Variants in TMPRSS11A observed in about 807,000 individuals in gnomAD.
The protein encoded by TMPRSS11A is transmembrane protease serine 11A.
In TMPRSS11A, 53 loss-of-function variants were observed where a neutral mutation model predicts 58.9. That is an observed-to-expected ratio of 0.90 (90% confidence interval 0.72 to 1.13). The LOEUF is 1.13. TMPRSS11A is among the 50% of genes most tolerant of loss of function. The pLI is 0.00. For missense variants in TMPRSS11A, 493 were observed against 499.3 expected, an observed-to-expected ratio of 0.99 and a Z score of 0.12; for synonymous variants, 167 against 169.8, an observed-to-expected ratio of 0.98 and a Z score of 0.13.
chr4:67,937,834 T>C (rs1720789785), intron 3 of TMPRSS11A, among the ~76,000 whole-genome samples: 1 of 152,156 alleles, frequency 6.6e-6, no homozygotes, highest in African/African-American at 2.4e-5. Flanking sequence ...TGATTCCACA[T>C]CTTTGCTATT....
intron 5 of TMPRSS11A, among the ~76,000 whole-genome samples, chr4:67,929,653 G>A (rs1346134132): frequency 1.3e-5 from 2 of 152,168 alleles, no homozygotes; most frequent in South Asian, 2.1e-4. Flanking sequence ...CCTATATTTT[G>A]GGATGAGTGC....
At chr4:67,960,146 C>A (rs1721389968) in intron 1 of TMPRSS11A, among the ~76,000 whole-genome samples, 1 of 152,094 alleles carries the variant, frequency 6.6e-6, no homozygotes, top group South Asian at 2.1e-4. Context: ...GAATAATGGA[C>A]ACTGCAGACT....
intron 1 of TMPRSS11A, among the ~76,000 whole-genome samples, chr4:67,948,324 A>C (rs2109764530): frequency 6.6e-6 from 1 of 151,954 alleles, no homozygotes; most frequent in South Asian, 2.1e-4. Context: ...ACGCCCGGCT[A>C]ATTTTTTGTA....
chr4:67,947,420 T>C (rs890615222), intron 1 of TMPRSS11A, among the ~76,000 whole-genome samples: 25 of 148,906 alleles, frequency 1.7e-4, no homozygotes, highest in African/African-American at 6.5e-4. Flanking sequence ...ACATTGACCA[T>C]TGAAGAGATC....
chr4:67,939,081 G>A (rs1720817251), intron 3 of TMPRSS11A, among the ~76,000 whole-genome samples: 1 of 151,970 alleles, frequency 6.6e-6, no homozygotes, highest in Non-Finnish European at 1.5e-5. Flanking sequence ...TGTCATCTCC[G>A]ATTTCTTTCA....
chr4:67,912,679 T>C (rs1429859652), intron 9 of TMPRSS11A, among the ~76,000 whole-genome samples: 1 of 152,214 alleles, frequency 6.6e-6, no homozygotes, highest in African/African-American at 2.4e-5. Flanking sequence ...CTTCTAGAGT[T>C]ACTGTTGAGG....
At chr4:67,960,049 A>T (rs1231022445) in intron 1 of TMPRSS11A, among the ~76,000 whole-genome samples, 1 of 152,194 alleles carries the variant, frequency 6.6e-6, no homozygotes, top group African/African-American at 2.4e-5. Flanking sequence ...TCCTAAGCAA[A>T]CTAATGCAGG....
At chr4:67,937,229 A>C (rs1191950195) in intron 3 of TMPRSS11A, among the ~76,000 whole-genome samples, 1 of 152,056 alleles carries the variant, frequency 6.6e-6, no homozygotes, top group Non-Finnish European at 1.5e-5. Flanking sequence ...ACCCATCCAC[A>C]CCTTTCTTCC....
intron 4 of TMPRSS11A, 80 bp downstream of exon 4, chr4:67,931,913 T>C: frequency 1.2e-6 from 1 of 844,336 alleles, no homozygotes; most frequent in South Asian, 1.5e-5. Flanking sequence ...CATGGAGACA[T>C]ACAATACATG....
At position 67,930,015 on chromosome 4, in the gene TMPRSS11A, C is replaced by G. The variant is rs781202714; in HGVS notation, c.346G>C (p.Asp116His). The change falls in exon 5 of 10, where the codon GAT (aspartate) becomes CAT (histidine). Residue 116 changes from aspartate to histidine, a missense_variant. Transcript: ENST00000508048. Reference protein sequence around the residue: ...LTPEEDGVKVDVIMVFQFPST... With the variant: ...LTPEEDGVKVHVIMVFQFPST... ...GGGAACTGGAACACCATAATGACAT[C>G]TACTTTCACACCATCTTCCTCTGGA... The G allele has an allele frequency of 1.1e-5, 17 of 1,612,892 alleles. No individual in the cohort carries two copies. Among genetic ancestry groups the G allele is most frequent in the Non-Finnish European group, 1.4e-5 (17 of 1,179,334 alleles).
intron 8 of TMPRSS11A, among the ~76,000 whole-genome samples, chr4:67,916,290 A>C (rs777774408): frequency 2.0e-5 from 3 of 152,148 alleles, no homozygotes; most frequent in Admixed American, 6.5e-5. Flanking sequence ...AACTAAGTAC[A>C]TTTGAAAAAA....
chr4:67,944,459 A>T, intron 3 of TMPRSS11A, 60 bp downstream of exon 3: 2 of 1,554,806 alleles, frequency 1.3e-6, no homozygotes. Context: ...TGGAGAAATG[A>T]TCCACAAAAT....
chr4:67,961,482 CCTTTTTTT>C (rs1721419454), intron 1 of TMPRSS11A, among the ~76,000 whole-genome samples: 36 of 102,416 alleles, frequency 3.5e-4, no homozygotes, highest in African/African-American at 9.5e-4. Flanking sequence ...CTTTTCTTTT[CCTTTTTTT>C]TTTTTTTTTT....
chr4:67,956,064 G>C (rs985387449), intron 1 of TMPRSS11A, among the ~76,000 whole-genome samples: 10 of 152,184 alleles, frequency 6.6e-5, no homozygotes, highest in Non-Finnish European at 1.3e-4. Flanking sequence ...AACCTCTCTA[G>C]TTTTCAGTTT....
chr4:67,938,372 T>C (rs976676996), intron 3 of TMPRSS11A, among the ~76,000 whole-genome samples: 2 of 152,208 alleles, frequency 1.3e-5, no homozygotes, highest in African/African-American at 4.8e-5. Context: ...TTTACTCTGT[T>C]GATAGTTTCT....
At chr4:67,916,785 C>A (rs1720166247) in intron 8 of TMPRSS11A, among the ~76,000 whole-genome samples, 1 of 151,960 alleles carries the variant, frequency 6.6e-6, no homozygotes, top group South Asian at 2.1e-4. Context: ...CGAGATCACG[C>A]CACTGCACTC....
At chr4:67,948,517 A>G (rs1467695402) in intron 1 of TMPRSS11A, among the ~76,000 whole-genome samples, 1 of 152,208 alleles carries the variant, frequency 6.6e-6, no homozygotes, top group African/African-American at 2.4e-5. Context: ...TGGACCTAAA[A>G]TAGTTAAGAA....
At chr4:67,920,731 A>G (rs1428418996) in intron 7 of TMPRSS11A, among the ~76,000 whole-genome samples, 1 of 151,904 alleles carries the variant, frequency 6.6e-6, no homozygotes, top group Non-Finnish European at 1.5e-5. Flanking sequence ...TCACCCAGGT[A>G]TTAAGCCTAG....
chr4:67,961,482 CCTTTTTT>C (rs1721419405), intron 1 of TMPRSS11A, among the ~76,000 whole-genome samples: 45 of 102,418 alleles, frequency 4.4e-4, no homozygotes, highest in African/African-American at 1.3e-3. Context: ...CTTTTCTTTT[CCTTTTTT>C]TTTTTTTTTT....
Sources: gnomAD v4.1 joint callset for allele counts (sites outside exome capture counted in the v4.1 genomes callset) on GRCh38, gnomAD v4.1.1 for gene constraint, MANE v1.5 for transcripts, NCBI Gene and HGNC (gene_info 2026-07-23, HGNC 2026-07-21) for gene names.